The following GPC6 variants were observed in gnomAD, a reference collection of about 807,000 sequenced individuals.
The protein encoded by GPC6 is glypican-6.
GPC6 carries 14 observed loss-of-function variants against 55.2 expected under a neutral mutation model. The ratio of observed to expected loss-of-function variants is 0.25; its 90% CI spans 0.17 to 0.40. GPC6 has a LOEUF of 0.40. Ranked by LOEUF, GPC6 falls within the 10% of genes least tolerant of loss-of-function variation. The pLI is 1.00. For synonymous variants in GPC6, 278 were observed against 259.6 expected (o/e 1.07, Z -0.68); for missense variants, 641 against 708.5 (o/e 0.90, Z 1.08).
intron 2 of GPC6, among the ~76,000 whole-genome samples, chr13:93,624,032 A>G (rs890659281): frequency 8.5e-5 from 13 of 152,094 alleles, no homozygotes; most frequent in African/African-American, 2.4e-4. Context: ...TCTTATTAAT[A>G]TAAGGCTTTG....
At chr13:94,046,759 T>C (rs1594692871) in intron 4 of GPC6, among the ~76,000 whole-genome samples, 1 of 152,128 alleles carries the variant, frequency 6.6e-6, no homozygotes, top group East Asian at 1.9e-4. Flanking sequence ...CAGTTTTCAA[T>C]GAGGTTACAT....
At chr13:94,339,239 A>T (rs1877890222) in intron 6 of GPC6, among the ~76,000 whole-genome samples, 1 of 151,886 alleles carries the variant, frequency 6.6e-6, no homozygotes, top group Non-Finnish European at 1.5e-5. Flanking sequence ...TAATTTTTAT[A>T]TTTTTATAGA....
intron 4 of GPC6, among the ~76,000 whole-genome samples, chr13:94,270,215 A>G (rs886428662): frequency 5.9e-5 from 9 of 152,210 alleles, no homozygotes; most frequent in African/African-American, 1.7e-4. Context: ...TTGTTCTTCA[A>G]TGAATAAATA....
intron 1 of GPC6, among the ~76,000 whole-genome samples, chr13:93,488,969 G>C (rs1879843447): frequency 6.6e-6 from 1 of 152,010 alleles, no homozygotes; most frequent in South Asian, 2.1e-4. Context: ...AAGCTCTTTA[G>C]TTTAATTAGA....
intron 1 of GPC6, among the ~76,000 whole-genome samples, chr13:93,477,411 T>C (rs1427637224): frequency 6.6e-6 from 1 of 152,156 alleles, no homozygotes; most frequent in Non-Finnish European, 1.5e-5. Context: ...GCTAGAGGCA[T>C]TGCTCTACAA....
intron 2 of GPC6, among the ~76,000 whole-genome samples, chr13:93,771,897 A>G (rs1190308134): frequency 1.3e-5 from 2 of 152,202 alleles, no homozygotes; most frequent in East Asian, 3.8e-4. Flanking sequence ...TAATAACAAA[A>G]GTTCAGAGTT....
At chr13:94,363,704 A>G (rs1002151650) in intron 6 of GPC6, among the ~76,000 whole-genome samples, 1 of 152,188 alleles carries the variant, frequency 6.6e-6, no homozygotes, top group African/African-American at 2.4e-5. Flanking sequence ...CCAGCCATAC[A>G]TGGCTATTGA....
rs568570704 is a variant in GPC6, at chr13:93,852,603, TTC to T, written c.711+22071_711+22072del. ...AAGTAAAAACTTTCTGATTAATGAT[TTC>T]TCTCTCTCTCTCCAATTAATAGCAG... On this transcript the variant is annotated intron_variant, in intron 3 of 8. Coordinates refer to ENST00000377047, the MANE Select transcript of GPC6 (RefSeq NM_005708.5). 4.0e-5 allele frequency among the ~76,000 whole-genome samples: 6 copies of T among 151,376 alleles called. No individual in the cohort carries two copies. In the East Asian group the frequency reaches 5.8e-4, roughly 15 times the overall value.
At chr13:93,423,182 T>A (rs2139262269) in intron 1 of GPC6, among the ~76,000 whole-genome samples, 1 of 152,284 alleles carries the variant, frequency 6.6e-6, no homozygotes, top group South Asian at 2.1e-4. Context: ...AAACAATGCT[T>A]GCCTTGCAGT....
At chr13:93,765,280 TC>T (rs1885088093) in intron 2 of GPC6, among the ~76,000 whole-genome samples, 1 of 101,818 alleles carries the variant, frequency 9.8e-6, no homozygotes, top group Non-Finnish European at 2.5e-5. Flanking sequence ...AAGACAACTT[TC>T]CAGATAAGCT....
At chr13:93,606,272 A>G (rs1430362082) in intron 2 of GPC6, among the ~76,000 whole-genome samples, 3 of 152,204 alleles carry the variant, frequency 2.0e-5, no homozygotes, top group Non-Finnish European at 4.4e-5. Context: ...CTGACTTTCA[A>G]TGAAAATTTT....
At chr13:93,916,234 C>A (rs912828342) in intron 3 of GPC6, among the ~76,000 whole-genome samples, 3 of 152,118 alleles carry the variant, frequency 2.0e-5, no homozygotes, top group African/African-American at 4.8e-5. Context: ...TGAAATAAAA[C>A]GTTAGCACCT....
At chr13:94,046,702 A>G (rs1415377537) in intron 4 of GPC6, among the ~76,000 whole-genome samples, 1 of 151,848 alleles carries the variant, frequency 6.6e-6, no homozygotes, top group East Asian at 1.9e-4. Context: ...TTTCTCTTAT[A>G]TTTATGTTGT....
At chr13:93,742,726 C>G (rs1423050311) in intron 2 of GPC6, among the ~76,000 whole-genome samples, 3 of 152,134 alleles carry the variant, frequency 2.0e-5, no homozygotes, top group African/African-American at 7.2e-5. Flanking sequence ...GCATGCTCAT[C>G]AAATTTGCTA....
At chr13:93,224,322 G>T (rs1367587087), upstream of GPC6, among the ~76,000 whole-genome samples, 3 of 151,630 alleles carry the variant, frequency 2.0e-5, no homozygotes, top group Non-Finnish European at 4.4e-5. Flanking sequence ...AACCTCCCGA[G>T]GAGCTGAGAT....
intron 6 of GPC6, among the ~76,000 whole-genome samples, chr13:94,367,093 C>T (rs1324105023): frequency 6.6e-6 from 1 of 152,190 alleles, no homozygotes; most frequent in African/African-American, 2.4e-5. Flanking sequence ...TCATTGATAT[C>T]TGTCATTAGA....
intron 1 of GPC6, among the ~76,000 whole-genome samples, chr13:93,334,495 C>T (rs1033739853): frequency 6.6e-6 from 1 of 152,160 alleles, no homozygotes; most frequent in Admixed American, 6.5e-5. Flanking sequence ...CAGAGTCTCA[C>T]TCTGTTGCCC....
intron 2 of GPC6, among the ~76,000 whole-genome samples, chr13:93,547,802 A>AATC (rs201926667): frequency 2.0e-5 from 3 of 151,608 alleles, no homozygotes; most frequent in Admixed American, 6.6e-5. Flanking sequence ...TAATAATAAT[A>AATC]ATCATCATCA....
chr13:94,333,324 G>A (rs539994250), intron 6 of GPC6, among the ~76,000 whole-genome samples: 71 of 152,190 alleles, frequency 4.7e-4, no homozygotes, highest in South Asian at 2.7e-3. Context: ...AGTGCTGTAC[G>A]GCATCTTATG....
Sources: gnomAD v4.1 joint callset for allele counts (sites outside exome capture counted in the v4.1 genomes callset) on GRCh38, gnomAD v4.1.1 for gene constraint, MANE v1.5 for transcripts, NCBI Gene and HGNC (gene_info 2026-07-23, HGNC 2026-07-21) for gene names.